ATG2A: variants seen among roughly 807,000 people sequenced by gnomAD.
The protein encoded by ATG2A is autophagy-related protein 2 homolog A.
A neutral mutation model predicts 214.2 loss-of-function variants in ATG2A; 103 were observed. That is an observed-to-expected ratio of 0.48 (90% confidence interval 0.41 to 0.57). ATG2A has a LOEUF of 0.57. Among genes scored for constraint, ATG2A ranks in the 20% least tolerant of loss-of-function variants. The probability of loss-of-function intolerance (pLI) is 0.00; values close to 1 mark genes in which losing one functional copy is unlikely to be tolerated. For synonymous variants in ATG2A, 1,160 were observed against 1,142.1 expected (o/e 1.02, Z -0.32); for missense variants, 2,312 against 2,613.2 (o/e 0.88, Z 2.51).
At position 64,914,386 on chromosome 11, in the gene ATG2A, C is replaced by T. The variant is rs767917185; in HGVS notation, c.286G>A (p.Val96Met). 41 of 1,611,556 alleles carry T rather than the reference C, an allele frequency of 2.5e-5. No individual in the cohort carries two copies. The highest frequency in any genetic ancestry group is 3.1e-5 in the Non-Finnish European group (37 of 1,179,452). The change falls in exon 2 of 41, where the codon GTG (valine) becomes ATG (methionine). Residue 96 changes from valine (V) to methionine (M), a missense_variant. Coordinates refer to ENST00000377264, the MANE Select transcript of ATG2A (RefSeq NM_015104.3). ...GTGAGCTGGAGGCCGGACACGCGCA[C>T]TGTGCAGTGGTCGGTGAGCAGAGCA... ...WAALLTDHCT[V>M]RVSGLQLTLQ...
intron 39 of ATG2A, 34 bp downstream of exon 39, chr11:64,896,428 T>C (rs748162342): frequency 2.5e-6 from 4 of 1,585,152 alleles, no homozygotes; most frequent in African/African-American, 2.7e-5. Context: ...AGCTGCTCTG[T>C]CCTGCACAGC....
Position 64,897,826 on chromosome 11 carries a change from T to G in ATG2A, c.4994+13A>C, listed in dbSNP as rs1457393974. Reference sequence around the variant, plus strand: ...CTGGCCCAGGGCCCCCCACCCGCAGTCCAGCAGCCTACCTGAAGTAGATGG... The same window carrying G: ...CTGGCCCAGGGCCCCCCACCCGCAGGCCAGCAGCCTACCTGAAGTAGATGG... On this transcript the variant is annotated intron_variant, in intron 35 of 40. Coordinates refer to ENST00000377264, the MANE Select transcript of ATG2A (RefSeq NM_015104.3). 1 of 1,612,288 alleles carries G rather than the reference T, an allele frequency of 6.2e-7. No homozygotes were observed. The highest frequency in any genetic ancestry group is 1.7e-5 in the Admixed American group (1 of 59,928).
intron 26 of ATG2A, 124 bp from the exon 27 acceptor site, chr11:64,902,804 T>C (rs1944405065): frequency 1.2e-6 from 1 of 839,496 alleles, no homozygotes; most frequent in South Asian, 1.7e-5. Flanking sequence ...GGATGGTCTC[T>C]CCTGGAGTGG....
Position 64,903,770 on chromosome 11 carries a change from T to C in ATG2A, c.3465-110A>G, listed in dbSNP as rs1178258356. 2 of 1,067,978 alleles carry C rather than the reference T, an allele frequency of 1.9e-6. No homozygotes were observed. Among genetic ancestry groups the C allele is most frequent in the South Asian group, 1.7e-5 (1 of 59,868 alleles). The allele number at this position is 1,067,978 out of a possible 1,614,324, so 66.2% of individuals were successfully genotyped here. A position where few individuals can be genotyped will look rare whatever the true frequency, so the allele number is the denominator to read the frequency against. ...ACAGGAGGTGGTATGGACAGGCCCC[T>C]CCAGCCTCAGCGTTCCTGCCTGCAC... On this transcript the variant is annotated intron_variant, in intron 24 of 40. Transcript: ENST00000377264. The surrounding 1 kb of genome is among the most constrained non-coding windows in gnomAD (Gnocchi z 4.2).
intron 8 of ATG2A, 32 bp downstream of exon 8, chr11:64,912,053 C>G: frequency 6.2e-7 from 1 of 1,612,362 alleles, no homozygotes; most frequent in Non-Finnish European, 8.5e-7. Context: ...ACACTAGCTG[C>G]CCCTCCAACC....
chr11:64,913,170 G>C lies in ATG2A; in HGVS notation c.727-34C>G. 1 of 1,598,476 alleles carries C rather than the reference G, an allele frequency of 6.3e-7. No individual in the cohort carries two copies. On this transcript the variant is annotated intron_variant, in intron 5 of 40. Transcript: ENST00000377264. The surrounding 1 kb of genome is among the most constrained non-coding windows in gnomAD (Gnocchi z 4.3). Reference sequence around the variant, plus strand: ...CGGGAGGATACAAGAGGGAAAGGTTGAGAAAATGGAGTCAGAGATGGTCAG... The same window carrying C: ...CGGGAGGATACAAGAGGGAAAGGTTCAGAAAATGGAGTCAGAGATGGTCAG...
rs759628876 is a variant in ATG2A, at chr11:64,903,299, C to G, written c.3601G>C (p.Glu1201Gln). ...LVIKTWKGST[E>Q]GKLSQPLFEL... Reference sequence around the variant, plus strand: ...ACAGCCTCACTCACCAGTTTGCCCTCGGTGCTCCCTTTCCAGGTTTTAATC... The same window carrying G: ...ACAGCCTCACTCACCAGTTTGCCCTGGGTGCTCCCTTTCCAGGTTTTAATC... Residue 1201 changes from glutamate to glutamine, a missense_variant, in exon 26 of 41, where the codon GAG (glutamate) becomes CAG (glutamine). Transcript: ENST00000377264. This position sits in a 1 kb window ranked among gnomAD's most constrained non-coding sequence, Gnocchi z 4.2. 1.9e-6 allele frequency: 3 copies of G among 1,613,954 alleles called. No homozygotes were observed. Among genetic ancestry groups the G allele is most frequent in the Non-Finnish European group, 1.7e-6 (2 of 1,179,982 alleles).
rs768603032 is a variant in ATG2A, at chr11:64,894,818, CT to C, written c.*154del. 1.1e-6 allele frequency: 1 copy of C among 946,040 alleles called. No homozygotes were observed. The highest frequency in any genetic ancestry group is 1.7e-6 in the Non-Finnish European group (1 of 586,342). The allele number at this position is 946,040 out of a possible 1,614,324, so 58.6% of individuals were successfully genotyped here. ...AAGGCCCCAAGGCAGGGAGGCCCCC[CT>C]CTCACAGCAGATTGGCAACGGGCAG... is the stretch of plus-strand genomic sequence containing the variant. On this transcript the variant is annotated 3_prime_UTR_variant, in exon 41 of 41. Transcript: ENST00000377264.
Position 64,909,929 on chromosome 11 carries a change from AG to A in ATG2A, c.1864-6del. On this transcript the variant is annotated splice_polypyrimidine_tract_variant and splice_region_variant and intron_variant, in intron 13 of 40. Transcript: ENST00000377264. ...CATCGCCGGCAGGGGCTCTGTCTGC[AG>A]GAGGATTGGGGGTCAGAGCAGCCGT... The A allele has an allele frequency of 1.3e-6, 2 of 1,597,972 alleles. No homozygotes were observed. The highest frequency in any genetic ancestry group is 1.7e-6 in the Non-Finnish European group (2 of 1,172,470).
chr11:64,907,256 T>A lies in ATG2A; in HGVS notation c.2831A>T (p.Lys944Met), dbSNP rs771954495. 6.7e-7 allele frequency: 1 copy of A among 1,502,380 alleles called. No homozygotes were observed. The highest frequency in any genetic ancestry group is 8.9e-7 in the Non-Finnish European group (1 of 1,123,612). The allele number at this position is 1,502,380 out of a possible 1,614,324, so 93.1% of individuals were successfully genotyped here. A position where few individuals can be genotyped will look rare whatever the true frequency, so the allele number is the denominator to read the frequency against. The change falls in exon 19 of 41, where the codon AAG becomes ATG. Residue 944 changes from lysine to methionine, a missense_variant and splice_region_variant. Lys to Met is a moderately conservative substitution (Grantham distance 95). Transcript: ENST00000377264. Reference sequence around the variant, plus strand: ...CCGCCTGCCCGGGGCTGCACTCACCTTGGTCTCACAGAGGGCTGTGATCCG... The same window carrying A: ...CCGCCTGCCCGGGGCTGCACTCACCATGGTCTCACAGAGGGCTGTGATCCG... ...KGRITALCET[K>M]DEGGKRLEAV...
chr11:64,903,132 T>C lies in ATG2A; in HGVS notation c.3612+156A>G, dbSNP rs982533776. 6.6e-6 allele frequency among the ~76,000 whole-genome samples: 1 copy of C among 152,150 alleles called. No homozygotes were observed. The highest frequency in any genetic ancestry group is 1.5e-5 in the Non-Finnish European group (1 of 68,006). ...GGACACCCCCACCAGGGCTGTACTA[T>C]GGCCCTTTGCAGGAGGGGCGCTAAC... On this transcript the variant is annotated intron_variant, in intron 26 of 40. Coordinates refer to ENST00000377264, the MANE Select transcript of ATG2A (RefSeq NM_015104.3). This position sits in a 1 kb window ranked among gnomAD's most constrained non-coding sequence, Gnocchi z 4.2.
chr11:64,911,866 G>T lies in ATG2A; in HGVS notation c.1204C>A (p.Leu402Ile). The T allele has an allele frequency of 6.2e-7, 1 of 1,613,318 alleles. No individual in the cohort carries two copies. Among genetic ancestry groups the T allele is most frequent in the Non-Finnish European group, 8.5e-7 (1 of 1,179,954 alleles). The part of the protein sequence containing the change: ...SVRSDMASRR[L>I]SAQAHPAGKM... ...CCAGCTGGGTGGGCCTGGGCAGAGA[G>T]CCGGCGGGAGGCCATGTCGCTGCGC... Residue 402 changes from leucine (L) to isoleucine (I), a missense_variant, in exon 9 of 41, where the codon CTC becomes ATC. Transcript: ENST00000377264.
At position 64,897,754 on chromosome 11, in the gene ATG2A, G is replaced by C. The variant is rs758182676; in HGVS notation, c.4995-11C>G. 6.2e-7 allele frequency: 1 copy of C among 1,614,236 alleles called. No individual in the cohort carries two copies. On this transcript the variant is annotated splice_polypyrimidine_tract_variant and intron_variant, in intron 35 of 40. Transcript: ENST00000377264. ...GTGAAGCGGAACTCTCTGGGTAGGG[G>C]AGCAGGAAGAGGGGGTTCTTTGCTC...
At chr11:64,904,689 A>C (rs1396295915) in intron 24 of ATG2A, among the ~76,000 whole-genome samples, 27 of 152,216 alleles carry the variant, frequency 1.8e-4, no homozygotes, top group Non-Finnish European at 4.4e-5. Context: ...ATCTCCTTCC[A>C]AACTTTCTCT....
rs747638029 is a variant in ATG2A at position 64,909,334 on chromosome 11, G to C, written c.2141C>G (p.Pro714Arg). 6 of 1,613,602 alleles carry C rather than the reference G, an allele frequency of 3.7e-6. No homozygotes were observed. Among genetic ancestry groups the C allele is most frequent in the Non-Finnish European group, 5.1e-6 (6 of 1,180,014 alleles). The part of the protein sequence containing the change: ...IYEDGGKPPV[P>R]CLRVSKALDP... ...CAGGGCTTTGGAGACACGCAGGCAA[G>C]GGACAGGTGGCTTCCCTCCATCTTC... Residue 714 changes from proline (P) to arginine (R), a missense_variant, in exon 15 of 41, where the codon CCT becomes CGT. Transcript: ENST00000377264.
In ATG2A at chr11:64,903,792, G is replaced by T; in HGVS notation, c.3465-132C>A. 2 of 815,976 alleles carry T rather than the reference G, an allele frequency of 2.5e-6. No individual in the cohort carries two copies. Among genetic ancestry groups the T allele is most frequent in the Non-Finnish European group, 3.8e-6 (2 of 532,060 alleles). The allele number at this position is 815,976 out of a possible 1,614,324, so 50.5% of individuals were successfully genotyped here. On this transcript the variant is annotated intron_variant, in intron 24 of 40. Transcript: ENST00000377264. This position sits in a 1 kb window ranked among gnomAD's most constrained non-coding sequence, Gnocchi z 4.2. ...CCCTCCAGCCTCAGCGTTCCTGCCTGCACAATGGGGAGAAGGCCCAGACAG... is the reference window on the plus strand; with the variant it reads ...CCCTCCAGCCTCAGCGTTCCTGCCTTCACAATGGGGAGAAGGCCCAGACAG...
Position 64,897,745 on chromosome 11 carries a change from TGG to T in ATG2A, c.4995-4_4995-3del. ...ACCTCAGACGTGAAGCGGAACTCTC[TGG>T]GTAGGGGAGCAGGAAGAGGGGGTTC... On this transcript the variant is annotated splice_region_variant and splice_polypyrimidine_tract_variant and intron_variant, in intron 35 of 40. Coordinates refer to ENST00000377264, the MANE Select transcript of ATG2A (RefSeq NM_015104.3). 3.7e-6 allele frequency: 6 copies of T among 1,614,218 alleles called. No individual in the cohort carries two copies. The highest frequency in any genetic ancestry group is 4.2e-6 in the Non-Finnish European group (5 of 1,180,014).
At position 64,907,739 on chromosome 11, in the gene ATG2A, G is replaced by C. The variant is rs2136603800; in HGVS notation, c.2507+9C>G. 1 of 1,612,930 alleles carries C rather than the reference G, an allele frequency of 6.2e-7. No individual in the cohort carries two copies. The highest frequency in any genetic ancestry group is 8.5e-7 in the Non-Finnish European group (1 of 1,179,858). On this transcript the variant is annotated intron_variant, in intron 17 of 40. Transcript: ENST00000377264. ...GTCCAGTCCCGCCCTGCTGGCCCCG[G>C]GTCTCCACCTGTTGTAGATGCTCTC...
At position 64,903,797 on chromosome 11, in the gene ATG2A, A is replaced by G. The variant is rs896785622; in HGVS notation, c.3465-137T>C. 11 of 792,198 alleles carry G rather than the reference A, an allele frequency of 1.4e-5. No individual in the cohort carries two copies. Among genetic ancestry groups the G allele is most frequent in the African/African-American group, 1.2e-4 (7 of 56,898 alleles). The allele number at this position is 792,198 out of a possible 1,614,324, so 49.1% of individuals were successfully genotyped here. On this transcript the variant is annotated intron_variant, in intron 24 of 40. Coordinates refer to ENST00000377264, the MANE Select transcript of ATG2A (RefSeq NM_015104.3). The surrounding 1 kb of genome is among the most constrained non-coding windows in gnomAD (Gnocchi z 4.2). ...CAGCCTCAGCGTTCCTGCCTGCACA[A>G]TGGGGAGAAGGCCCAGACAGCAGGC...
Sources: allele counts gnomAD v4.1 joint callset (sites outside exome capture counted in the v4.1 genomes callset), GRCh38; gene constraint gnomAD v4.1.1; non-coding constraint Gnocchi (gnomAD v3.1); transcripts MANE v1.5; gene names NCBI Gene and HGNC (gene_info 2026-07-23, HGNC 2026-07-21).